PUS10: variants seen among roughly 807,000 people sequenced by gnomAD.
PUS10 encodes the protein tRNA pseudouridine synthase Pus10.
Under a neutral mutation model 75.0 loss-of-function variants are expected in PUS10, and 59 were observed. The observed-to-expected ratio is 0.79, with a 90% CI of 0.64 to 0.98. The LOEUF is 0.98. PUS10 is among the 50% of genes least tolerant of loss of function. PUS10 has a pLI of 0.00. For missense variants in PUS10, 650 were observed against 614.4 expected, an observed-to-expected ratio of 1.06 and a Z score of -0.61; for synonymous variants, 219 against 211.6, an observed-to-expected ratio of 1.03 and a Z score of -0.30.
intron 9 of PUS10, among the ~76,000 whole-genome samples, chr2:60,962,315 T>C (rs937403870): frequency 1.3e-5 from 2 of 152,202 alleles, no homozygotes; most frequent in Admixed American, 6.5e-5. Flanking sequence ...CTCACGCCTG[T>C]AATCCCAGCA....
chr2:61,004,096 G>T (rs1201922859), intron 4 of PUS10, among the ~76,000 whole-genome samples: 1 of 152,152 alleles, frequency 6.6e-6, no homozygotes, highest in Non-Finnish European at 1.5e-5. Flanking sequence ...AGACAAAGAA[G>T]TTCTAAGGTA....
intron 4 of PUS10, among the ~76,000 whole-genome samples, chr2:60,984,976 T>C (rs192365602): frequency 2.6e-5 from 4 of 152,338 alleles, no homozygotes; most frequent in Admixed American, 2.0e-4. Flanking sequence ...ATGTTAACTT[T>C]ACATACTTCT....
intron 4 of PUS10, among the ~76,000 whole-genome samples, chr2:60,979,256 T>C (rs953320519): frequency 6.6e-6 from 1 of 152,216 alleles, no homozygotes; most frequent in Non-Finnish European, 1.5e-5. Context: ...AGAGAAATTC[T>C]TCTTCCTTCT....
intron 5 of PUS10, among the ~76,000 whole-genome samples, chr2:60,967,974 A>G (rs919684320): frequency 3.9e-5 from 6 of 152,190 alleles, no homozygotes; most frequent in African/African-American, 1.4e-4. Context: ...CACAAACTAT[A>G]AAACTGTGTA....
chr2:60,990,834 G>A (rs949657402), intron 4 of PUS10, among the ~76,000 whole-genome samples: 7 of 151,990 alleles, frequency 4.6e-5, no homozygotes, highest in Non-Finnish European at 7.4e-5. Flanking sequence ...CAGCCTCCAC[G>A]TCTGGGTTCA....
intron 4 of PUS10, among the ~76,000 whole-genome samples, chr2:60,977,689 C>T (rs1027982749): frequency 6.6e-5 from 10 of 152,160 alleles, no homozygotes; most frequent in African/African-American, 2.2e-4. Flanking sequence ...GTCCAGCCCA[C>T]TTTTCTCATT....
At chr2:60,952,887 T>A in intron 15 of PUS10, 110 bp downstream of exon 15, 1 of 635,256 alleles carries the variant, frequency 1.6e-6, no homozygotes, top group East Asian at 2.8e-5. Context: ...CAGGTCTTGC[T>A]GACCCCAAAG....
At chr2:60,982,996 T>C (rs1210273746) in intron 4 of PUS10, among the ~76,000 whole-genome samples, 1 of 152,120 alleles carries the variant, frequency 6.6e-6, no homozygotes, top group Non-Finnish European at 1.5e-5. Context: ...TTCTAAGAAT[T>C]TATCAGACAA....
At chr2:60,956,042 A>G (rs1675628041) in intron 11 of PUS10, among the ~76,000 whole-genome samples, 1 of 152,144 alleles carries the variant, frequency 6.6e-6, no homozygotes, top group Non-Finnish European at 1.5e-5. Flanking sequence ...ATGCTCTGCG[A>G]TAAGTTGATC....
intron 3 of PUS10, among the ~76,000 whole-genome samples, chr2:61,007,572 C>T (rs1679303299): frequency 6.6e-6 from 1 of 151,444 alleles, no homozygotes; most frequent in Admixed American, 6.6e-5. Flanking sequence ...AGTTCGAGAC[C>T]AGACTGGCCA....
At chr2:60,954,394 C>G (rs1381862316) in intron 12 of PUS10, among the ~76,000 whole-genome samples, 1 of 152,192 alleles carries the variant, frequency 6.6e-6, no homozygotes, top group Non-Finnish European at 1.5e-5. Flanking sequence ...CCCAAAGGCC[C>G]ATGAACAAGC....
At chr2:60,977,526 A>G (rs893964295) in intron 4 of PUS10, among the ~76,000 whole-genome samples, 1 of 152,238 alleles carries the variant, frequency 6.6e-6, no homozygotes, top group African/African-American at 2.4e-5. Context: ...TCTATAATTC[A>G]TCAAGTTGCA....
intron 4 of PUS10, among the ~76,000 whole-genome samples, chr2:60,979,102 AACACATACACATACACAT>A (rs61436873): frequency 0.42 from 61,972 of 149,296 alleles, 13,145 homozygotes; most frequent in Middle Eastern, 0.54. Flanking sequence ...CTCTTCTCCC[AACACATACACATACACAT>A]ACACATACAC....
intron 1 of PUS10, chr2:61,017,250 C>T (rs113353750): frequency 0.011 from 1,696 of 152,898 alleles, 30 homozygotes; most frequent in African/African-American, 0.038. Context: ...TTGCGTCTAG[C>T]AATTCTGTTC....
intron 14 of PUS10, 57 bp downstream of exon 14, chr2:60,953,876 T>C: frequency 6.2e-6 from 8 of 1,290,244 alleles, no homozygotes; most frequent in Non-Finnish European, 9.0e-6. Context: ...TATCAAGATA[T>C]GTGACCTGCA....
intron 1 of PUS10, among the ~76,000 whole-genome samples, chr2:61,014,959 T>C (rs958671922): frequency 6.6e-6 from 1 of 152,130 alleles, no homozygotes; most frequent in Non-Finnish European, 1.5e-5. Flanking sequence ...CTCTTCACCA[T>C]AAAAATCAGT....
intron 11 of PUS10, among the ~76,000 whole-genome samples, chr2:60,956,413 C>T (rs567246603): frequency 1.4e-4 from 22 of 152,336 alleles, no homozygotes; most frequent in Non-Finnish European, 2.6e-4. Context: ...GTCTCCCGGT[C>T]AGCCCCGTCA....
At chr2:61,011,944 C>A in intron 1 of PUS10, 39 bp from the exon 2 acceptor site, 2 of 1,516,056 alleles carry the variant, frequency 1.3e-6, no homozygotes, top group Non-Finnish European at 8.9e-7. Context: ...GCAGCTTCTG[C>A]GTTTTACTGT....
At chr2:60,988,840 C>T (rs943047848) in intron 4 of PUS10, among the ~76,000 whole-genome samples, 4 of 149,796 alleles carry the variant, frequency 2.7e-5, no homozygotes, top group Non-Finnish European at 4.4e-5. Context: ...CGGGGTTTTG[C>T]CAGGTTGGCC....
Sources: gnomAD v4.1 joint callset for allele counts (sites outside exome capture counted in the v4.1 genomes callset) on GRCh38, gnomAD v4.1.1 for gene constraint, MANE v1.5 for transcripts, NCBI Gene and HGNC (gene_info 2026-07-23, HGNC 2026-07-21) for gene names.